The following LSM3 variants were observed in gnomAD, a reference collection of about 807,000 sequenced individuals.
The protein encoded by LSM3 is LSM3 homolog, U6 small nuclear RNA and mRNA degradation associated.
A neutral mutation model predicts 15.4 loss-of-function variants in LSM3; 14 were observed. The observed-to-expected ratio is 0.91, with a 90% CI of 0.60 to 1.42. The LOEUF is 1.42. Among genes scored for constraint, LSM3 ranks in the 40% most tolerant of loss-of-function variants. The pLI is 0.00. For synonymous variants in LSM3, 46 were observed against 45.1 expected, an observed-to-expected ratio of 1.02 and a Z score of -0.08; for missense variants, 88 against 127.9, an observed-to-expected ratio of 0.69 and a Z score of 1.50.
rs1697130766 is a variant in LSM3 at position 14,190,638 on chromosome 3, T to G, written c.228+6606T>G. ...ATGCTTGTGATTTTTGCACATTGAT[T>G]TTGTATCCTGAGACTTCGCTGAAGT... On this transcript the variant is annotated intron_variant, in intron 3 of 3. Coordinates refer to ENST00000306024, the MANE Select transcript of LSM3 (RefSeq NM_014463.3). Among the ~76,000 whole-genome samples, 11 of 152,228 alleles carry G rather than the reference T, an allele frequency of 7.2e-5. 2 individuals carry two copies. The highest frequency in any genetic ancestry group is 7.2e-4 in the Admixed American group (11 of 15,284).
chr3:14,182,919 A>C (rs1010706396), intron 2 of LSM3, among the ~76,000 whole-genome samples: 3 of 152,200 alleles, frequency 2.0e-5, no homozygotes, highest in Non-Finnish European at 4.4e-5. Flanking sequence ...CAAAACCTAA[A>C]GATAAAGAAC....
At position 14,183,964 on chromosome 3, in the gene LSM3, T is replaced by A; in HGVS notation, c.160T>A (p.Leu54Met). The change falls in exon 3 of 4, where the codon TTG becomes ATG. Residue 54 changes from leucine to methionine, a missense_variant. Leu to Met is a conservative substitution (Grantham distance 15). Coordinates refer to ENST00000306024, the MANE Select transcript of LSM3 (RefSeq NM_014463.3). ...TTATGATCAACATTTAAATATGATC[T>A]TGGGAGATGTGGAAGAAACTGTGAC... is the stretch of plus-strand genomic sequence containing the variant. ...HAYDQHLNMI[L>M]GDVEETVTTI... 6.2e-7 allele frequency: 1 copy of A among 1,609,354 alleles called. No individual in the cohort carries two copies. Among genetic ancestry groups the A allele is most frequent in the Non-Finnish European group, 8.5e-7 (1 of 1,178,864 alleles).
chr3:14,183,287 T>A (rs1697057285), intron 2 of LSM3, among the ~76,000 whole-genome samples: 1 of 152,206 alleles, frequency 6.6e-6, no homozygotes, highest in Non-Finnish European at 1.5e-5. Flanking sequence ...CTGAACAAGG[T>A]CCCAGAAAGT....
chr3:14,185,178 C>T (rs760283202), intron 3 of LSM3, among the ~76,000 whole-genome samples: 1 of 152,090 alleles, frequency 6.6e-6, no homozygotes, highest in Non-Finnish European at 1.5e-5. Context: ...TGGCAAAACC[C>T]TGTCTCTACT....
chr3:14,194,298 G>A (rs916803929), intron 3 of LSM3, among the ~76,000 whole-genome samples: 1 of 152,188 alleles, frequency 6.6e-6, no homozygotes, highest in Non-Finnish European at 1.5e-5. Context: ...TGGGAGGTCC[G>A]CTGCTGTCTT....
chr3:14,183,399 G>A (rs1697058176), intron 2 of LSM3, among the ~76,000 whole-genome samples: 1 of 152,188 alleles, frequency 6.6e-6, no homozygotes, highest in African/African-American at 2.4e-5. Flanking sequence ...TTTAAGTTCT[G>A]GATAGGTTAG....
intron 3 of LSM3, among the ~76,000 whole-genome samples, chr3:14,186,522 CCTCT>C (rs541135355): frequency 1.5e-3 from 236 of 152,370 alleles, no homozygotes; most frequent in Non-Finnish European, 2.3e-3. Context: ...TGGCTTTCCT[CCTCT>C]CTCTGACCAC....
chr3:14,192,111 T>G (rs972716796), intron 3 of LSM3, among the ~76,000 whole-genome samples: 11 of 152,262 alleles, frequency 7.2e-5, no homozygotes, highest in Non-Finnish European at 1.2e-4. Flanking sequence ...TTCTTAATCC[T>G]GAGTTCTAAT....
At position 14,198,097 on chromosome 3, in the gene LSM3, C is replaced by T. The variant is rs1373262297; in HGVS notation, c.290C>T (p.Pro97Leu). ...GGAGATGGCGTTGTCCTGGTTGCCC[C>T]TCCACTGAGAGTTGGCTGAAACAAA... ...VRGDGVVLVA[P>L]PLRVG Residue 97 changes from proline (P) to leucine (L), a missense_variant, in exon 4 of 4, where the codon CCT (proline) becomes CTT (leucine). Pro to Leu is a moderately conservative substitution (Grantham distance 98). Coordinates refer to ENST00000306024, the MANE Select transcript of LSM3 (RefSeq NM_014463.3). 1 of 1,613,468 alleles carries T rather than the reference C, an allele frequency of 6.2e-7. No homozygotes were observed.
chr3:14,190,193 T>A lies in LSM3; in HGVS notation c.228+6161T>A, dbSNP rs11924589. ...GGTACCAGTACCATGCTGTTTTGGT[T>A]ACTGTAGCCTTGTAGTATAGTTTGA... On this transcript the variant is annotated intron_variant, in intron 3 of 3. Coordinates refer to ENST00000306024, the MANE Select transcript of LSM3 (RefSeq NM_014463.3). 5.6e-3 allele frequency among the ~76,000 whole-genome samples: 859 copies of A among 152,328 alleles called. 7 individuals are homozygous for A. The highest frequency in any genetic ancestry group is 0.02 in the African/African-American group (823 of 41,564).
chr3:14,180,689 TG>T, intron 1 of LSM3, among the ~76,000 whole-genome samples: 1 of 152,248 alleles, frequency 6.6e-6, no homozygotes, highest in Non-Finnish European at 1.5e-5. Context: ...AAGAAGGTTG[TG>T]GCTTTCTCAA....
At chr3:14,189,665 A>G (rs781182501) in intron 3 of LSM3, among the ~76,000 whole-genome samples, 1 of 151,522 alleles carries the variant, frequency 6.6e-6, no homozygotes, top group Non-Finnish European at 1.5e-5. Flanking sequence ...TTTCTTGTAG[A>G]TGTGTTTAAG....
At chr3:14,188,590 A>G (rs1046567154) in intron 3 of LSM3, among the ~76,000 whole-genome samples, 3 of 152,120 alleles carry the variant, frequency 2.0e-5, no homozygotes, top group Admixed American at 2.0e-4. Flanking sequence ...GTCTTTATGC[A>G]TATGCTAATG....
intron 1 of LSM3, among the ~76,000 whole-genome samples, chr3:14,180,844 TTTTTTTTTTTTTTAAA>T (rs1697030010): frequency 8.5e-6 from 1 of 118,150 alleles, no homozygotes. Context: ...TTTTTTTTTT[TTTTTTTTTTTTTTAAA>T]AAAAAAAAAG....
chr3:14,182,330 T>A (rs1047191381), intron 2 of LSM3, among the ~76,000 whole-genome samples: 1 of 152,138 alleles, frequency 6.6e-6, no homozygotes, highest in Non-Finnish European at 1.5e-5. Context: ...TACATGTTTT[T>A]CAGTACCTTT....
At chr3:14,184,757 A>C (rs1447350004) in intron 3 of LSM3, among the ~76,000 whole-genome samples, 2 of 141,080 alleles carry the variant, frequency 1.4e-5, no homozygotes, top group African/African-American at 5.2e-5. Context: ...ACTCCGTCTC[A>C]AAAAAAAAAA....
intron 3 of LSM3, among the ~76,000 whole-genome samples, chr3:14,187,279 G>A (rs1384507935): frequency 6.6e-6 from 1 of 152,214 alleles, no homozygotes; most frequent in African/African-American, 2.4e-5. Context: ...ATTAATTGCT[G>A]CCTTGAAAGG....
Position 14,181,568 on chromosome 3 carries a change from T to C in LSM3, c.30T>C (p.Thr10=), listed in dbSNP as rs1208027750. 1 of 1,609,320 alleles carries C rather than the reference T, an allele frequency of 6.2e-7. No individual in the cohort carries two copies. Among genetic ancestry groups the C allele is most frequent in the South Asian group, 1.1e-5 (1 of 90,984 alleles). MADDVDQQQ[T]TNTVEEPLDL... ...CCTGTTTCTTTTATCAGCAACAAAC[T>C]ACCAACACTGTAGAGGAGCCCCTGG... The change falls in exon 2 of 4, where the codon ACT becomes ACC. Residue 10 remains threonine (T), a synonymous_variant. Transcript: ENST00000306024.
At chr3:14,181,814 A>C (rs1697041703) in intron 2 of LSM3, 144 bp downstream of exon 2, 1 of 571,630 alleles carries the variant, frequency 1.7e-6, no homozygotes, top group African/African-American at 1.9e-5. Flanking sequence ...AGCCAAATAA[A>C]GCGGCATGTA....
Sources: allele counts gnomAD v4.1 joint callset (sites outside exome capture counted in the v4.1 genomes callset), GRCh38; gene constraint gnomAD v4.1.1; transcripts MANE v1.5; gene names NCBI Gene and HGNC (gene_info 2026-07-23, HGNC 2026-07-21).